Variants in MYL4 observed in about 807,000 individuals in gnomAD.
The protein encoded by MYL4 is myosin light chain 4, also known as atrial myosin light chain 1.
In MYL4, 16 loss-of-function variants were observed where a neutral mutation model predicts 21.6. The ratio of observed to expected loss-of-function variants is 0.74; its 90% CI spans 0.50 to 1.12. The LOEUF (loss-of-function observed/expected upper bound fraction) is 1.12. Ranked by LOEUF, MYL4 falls within the 50% of genes most tolerant of loss-of-function variation. The pLI is 0.00. For synonymous variants in MYL4, 82 were observed against 95.7 expected, an observed-to-expected ratio of 0.86 and a Z score of 0.83; for missense variants, 249 against 252.9, an observed-to-expected ratio of 0.98 and a Z score of 0.11.
chr17:47,199,548 G>T (rs1598646310), upstream of MYL4, among the ~76,000 whole-genome samples: 1 of 152,126 alleles, frequency 6.6e-6, no homozygotes, highest in Non-Finnish European at 1.5e-5. Context: ...TCACTGTCTG[G>T]TGTAGAGGAT....
At chr17:47,194,199 G>A in the MYL4 span, among the ~76,000 whole-genome samples, 1 of 152,210 alleles carries the variant, frequency 6.6e-6, no homozygotes, top group Non-Finnish European at 1.5e-5. Flanking sequence ...ACTTTGTTCG[G>A]AATGGAACCC....
chr17:47,207,173 G>A (rs1043084063), upstream of MYL4, among the ~76,000 whole-genome samples: 1 of 152,158 alleles, frequency 6.6e-6, no homozygotes, highest in African/African-American at 2.4e-5. Context: ...CTGGGCCCTG[G>A]TCTCGTTCTA....
upstream of MYL4, among the ~76,000 whole-genome samples, chr17:47,205,297 C>T (rs1020291906): frequency 2.3e-4 from 35 of 152,310 alleles, no homozygotes; most frequent in Middle Eastern, 3.4e-3. Context: ...TGCCAGTACC[C>T]ACTGCCATAC....
upstream of MYL4, among the ~76,000 whole-genome samples, chr17:47,208,316 C>T (rs559903713): frequency 6.6e-6 from 1 of 152,198 alleles, no homozygotes; most frequent in South Asian, 2.1e-4. Flanking sequence ...CACCTGTAGT[C>T]CCAGCTACTC....
upstream of MYL4, among the ~76,000 whole-genome samples, chr17:47,199,044 C>G (rs2149037317): frequency 6.6e-6 from 1 of 150,696 alleles, no homozygotes; most frequent in South Asian, 2.1e-4. Context: ...ACCATCCTGG[C>G]TAACAAGGTG....
rs759826968 is a variant in MYL4, at chr17:47,222,442, TGCATCAATTATGAAGGTATTAAGCC to T, written c.553_565+12del. On this transcript the variant is annotated splice_donor_variant and splice_donor_5th_base_variant and coding_sequence_variant and intron_variant, in exon 5 of 7. Coordinates refer to ENST00000393450, the MANE Select transcript of MYL4 (RefSeq NM_002476.2). LOFTEE classifies it high-confidence loss of function. ...AGCTGGGCAAGAGGATGCCAATGGC[TGCATCAATTATGAAGGTATTAAGCC>T]GCGCCTTGCATCCCAGGGCAGCCAG... 1.2e-6 allele frequency: 2 copies of T among 1,613,950 alleles called. No individual in the cohort carries two copies. The highest frequency in any genetic ancestry group is 1.3e-5 in the African/African-American group (1 of 74,894).
intron 1 of MYL4, among the ~76,000 whole-genome samples, chr17:47,201,641 A>C (rs534272900): frequency 6.6e-6 from 1 of 152,032 alleles, no homozygotes; most frequent in African/African-American, 2.4e-5. Flanking sequence ...TTTTTAGTAG[A>C]GACGAGGTTT....
chr17:47,220,484 G>T (rs1317134985), intron 3 of MYL4, among the ~76,000 whole-genome samples: 2 of 152,232 alleles, frequency 1.3e-5, no homozygotes, highest in Admixed American at 1.3e-4. Context: ...TCTAATAATG[G>T]TTAGAGTACT....
At chr17:47,198,919 G>A (rs536193659), upstream of MYL4, among the ~76,000 whole-genome samples, 6 of 152,040 alleles carry the variant, frequency 3.9e-5, no homozygotes, top group African/African-American at 9.6e-5. Context: ...CTAGAAGTTC[G>A]AAGTTGCAGT....
At chr17:47,194,437 C>A in the MYL4 span, among the ~76,000 whole-genome samples, 1 of 152,208 alleles carries the variant, frequency 6.6e-6, no homozygotes, top group Non-Finnish European at 1.5e-5. Flanking sequence ...GAGTGCTCTT[C>A]TTGCATATGC....
At chr17:47,220,974 T>G (rs558747194) in intron 3 of MYL4, among the ~76,000 whole-genome samples, 4 of 151,208 alleles carry the variant, frequency 2.6e-5, no homozygotes. Context: ...ACCGCGGGGG[T>G]GAAGGATGTG....
downstream of MYL4, among the ~76,000 whole-genome samples, chr17:47,225,382 C>T (rs1322475209): frequency 1.3e-5 from 2 of 152,158 alleles, no homozygotes; most frequent in African/African-American, 4.8e-5. Flanking sequence ...GGTTCTCAAA[C>T]TTTGGTTTAG....
At chr17:47,191,478 T>A in the MYL4 span, among the ~76,000 whole-genome samples, 1 of 152,308 alleles carries the variant, frequency 6.6e-6, no homozygotes, top group Admixed American at 6.5e-5. Flanking sequence ...TATTTACATT[T>A]TTTTTTTCCG....
upstream of MYL4, among the ~76,000 whole-genome samples, chr17:47,199,403 C>T (rs188878120): frequency 7.9e-5 from 12 of 151,818 alleles, no homozygotes; most frequent in South Asian, 2.1e-4. Context: ...CTTTTAGTTG[C>T]GCACCTTCTT....
intron 2 of MYL4, among the ~76,000 whole-genome samples, chr17:47,217,350 C>A (rs940548184): frequency 1.3e-5 from 2 of 151,370 alleles, no homozygotes; most frequent in African/African-American, 4.9e-5. Context: ...CCCAGCTACT[C>A]GAGAGGCTGA....
At chr17:47,207,170 C>G (rs548780112), upstream of MYL4, among the ~76,000 whole-genome samples, 1 of 152,284 alleles carries the variant, frequency 6.6e-6, no homozygotes, top group South Asian at 2.1e-4. Context: ...AATCTGGGCC[C>G]TGGTCTCGTT....
At chr17:47,219,293 G>T (rs2064836865) in intron 2 of MYL4, among the ~76,000 whole-genome samples, 1 of 152,200 alleles carries the variant, frequency 6.6e-6, no homozygotes, top group South Asian at 2.1e-4. Flanking sequence ...CAGGCCCAGG[G>T]AGTGGGGTGT....
chr17:47,216,307 C>CTTTTTTTTTT (rs11339637), intron 2 of MYL4, among the ~76,000 whole-genome samples: 1 of 138,182 alleles, frequency 7.2e-6, no homozygotes. Flanking sequence ...TTCACACTGG[C>CTTTTTTTTTT]TTTTTTTTTT....
upstream of MYL4, among the ~76,000 whole-genome samples, chr17:47,196,691 T>G (rs964716474): frequency 1.3e-5 from 2 of 152,196 alleles, no homozygotes; most frequent in Non-Finnish European, 2.9e-5. Flanking sequence ...CCTACCTAAT[T>G]TAAATTCTTA....
Sources: gnomAD v4.1 joint callset for allele counts (sites outside exome capture counted in the v4.1 genomes callset) on GRCh38, gnomAD v4.1.1 for gene constraint, MANE v1.5 for transcripts, NCBI Gene and HGNC (gene_info 2026-07-23, HGNC 2026-07-21) for gene names.